The following OR51B5 variants were observed in gnomAD, a reference collection of about 807,000 sequenced individuals.
The protein encoded by OR51B5 is olfactory receptor family 51 subfamily B member 5.
For missense variants in OR51B5, 456 were observed against 374.6 expected (o/e 1.22, Z -1.79); for synonymous variants, 186 against 144.8 (o/e 1.28, Z -2.04).
intron 1 of OR51B5, among the ~76,000 whole-genome samples, chr11:5,375,698 T>TCAA (rs1311513085): frequency 1.3e-5 from 2 of 151,554 alleles, no homozygotes; most frequent in African/African-American, 4.8e-5. Context: ...CCAACAAAGA[T>TCAA]CAAAAGAGAC....
chr11:5,431,134 A>T (rs560364662), intron 1 of OR51B5: 48 of 405,502 alleles, frequency 1.2e-4, no homozygotes, highest in African/African-American at 9.0e-4. Flanking sequence ...TGGGGCCATG[A>T]GTGCCACACT....
At chr11:5,380,800 G>C (rs778032281) in intron 1 of OR51B5, among the ~76,000 whole-genome samples, 1 of 152,210 alleles carries the variant, frequency 6.6e-6, no homozygotes, top group Non-Finnish European at 1.5e-5. Context: ...CTGGTTGGCA[G>C]CTTTCAGCTG....
At chr11:5,502,497 C>T (rs1846308627) in intron 1 of OR51B5, among the ~76,000 whole-genome samples, 1 of 152,188 alleles carries the variant, frequency 6.6e-6, no homozygotes, top group Admixed American at 6.5e-5. Flanking sequence ...CACAGAGATT[C>T]TATCATTCTA....
In OR51B5 at chr11:5,359,936, A is replaced by G. The variant is rs528012103; in HGVS notation, n.85-13026T>C. 2.2e-4 allele frequency among the ~76,000 whole-genome samples: 34 copies of G among 152,286 alleles called. No homozygotes were observed. In the East Asian group the frequency reaches 4.8e-3, roughly 22 times the overall value. On this transcript the variant is annotated intron_variant and non_coding_transcript_variant, in intron 1 of 4. Coordinates refer to the OR51B5 transcript ENST00000415970. ...TAAATGGTGCTGGGAAAACTGGCTA[A>G]CCATACGCAGAAAGCTGAAACTGGA...
chr11:5,409,492 A>G (rs974720354), intron 1 of OR51B5, among the ~76,000 whole-genome samples: 11 of 123,650 alleles, frequency 8.9e-5, no homozygotes, highest in Non-Finnish European at 1.8e-4. Context: ...AAATAATTCA[A>G]TGCAAATTCT....
At chr11:5,402,588 T>C (rs745410411) in intron 1 of OR51B5, 7 of 466,482 alleles carry the variant, frequency 1.5e-5, no homozygotes, top group South Asian at 1.1e-4. Flanking sequence ...CTGAGGATGA[T>C]ATGTCAACAT....
chr11:5,374,978 G>C (rs1849501150), intron 1 of OR51B5, among the ~76,000 whole-genome samples: 1 of 151,646 alleles, frequency 6.6e-6, no homozygotes, highest in Non-Finnish European at 1.5e-5. Flanking sequence ...AGGAAATACA[G>C]AGAACGCCAC....
intron 1 of OR51B5, among the ~76,000 whole-genome samples, chr11:5,412,195 A>G (rs893112866): frequency 6.6e-6 from 1 of 152,164 alleles, no homozygotes; most frequent in Non-Finnish European, 1.5e-5. Flanking sequence ...CTGATATGCA[A>G]ATCATTTGCC....
intron 1 of OR51B5, among the ~76,000 whole-genome samples, chr11:5,401,683 G>A (rs1314498327): frequency 1.3e-5 from 2 of 151,730 alleles, no homozygotes; most frequent in Non-Finnish European, 2.9e-5. Context: ...ATCTTATTTT[G>A]GGATTGCTTA....
At chr11:5,351,901 T>C (rs1234202074) in intron 1 of OR51B5, 1 of 1,613,212 alleles carries the variant, frequency 6.2e-7, no homozygotes, top group South Asian at 1.1e-5. Flanking sequence ...AAGATATACC[T>C]CTATCCTGAC....
intron 1 of OR51B5, among the ~76,000 whole-genome samples, chr11:5,427,269 T>C (rs1850465251): frequency 6.6e-6 from 1 of 152,240 alleles, no homozygotes; most frequent in Admixed American, 6.5e-5. Context: ...TTAATCTGTC[T>C]GTTGTCAGTC....
At chr11:5,363,489 CAATCAT>C (rs1849318785) in intron 1 of OR51B5, among the ~76,000 whole-genome samples, 1 of 151,786 alleles carries the variant, frequency 6.6e-6, no homozygotes, top group African/African-American at 2.4e-5. Flanking sequence ...GCCACACACA[CAATCAT>C]AAACACACAT....
At position 5,445,105 on chromosome 11, in the gene OR51B5, G is replaced by A. The variant is rs2647612; in HGVS notation, n.84+60464C>T. Reference sequence around the variant, plus strand: ...GCTCTAGTCACTAATTGTATGTATTGTCACATCAAACACACACTATAATCT... The same window carrying A: ...GCTCTAGTCACTAATTGTATGTATTATCACATCAAACACACACTATAATCT... On this transcript the variant is annotated intron_variant and non_coding_transcript_variant, in intron 1 of 4. Coordinates refer to the OR51B5 transcript ENST00000415970. Among the ~76,000 whole-genome samples, 1,503 of 152,086 alleles carry A rather than the reference G, an allele frequency of 9.9e-3. 27 individuals carry two copies. Among genetic ancestry groups the A allele is most frequent in the African/African-American group, 0.035 (1,437 of 41,480 alleles).
intron 1 of OR51B5, among the ~76,000 whole-genome samples, chr11:5,421,053 T>C (rs1850326851): frequency 6.6e-6 from 1 of 152,228 alleles, no homozygotes; most frequent in African/African-American, 2.4e-5. Flanking sequence ...AGCTTAAGCA[T>C]GCAGTTTCAA....
At chr11:5,356,482 G>C (rs1039572418) in intron 1 of OR51B5, among the ~76,000 whole-genome samples, 1 of 147,460 alleles carries the variant, frequency 6.8e-6, no homozygotes, top group African/African-American at 2.6e-5. Context: ...TATGTGAAAA[G>C]ACCAAATCTA....
chr11:5,495,381 T>C (rs1851633700), intron 1 of OR51B5, among the ~76,000 whole-genome samples: 1 of 152,200 alleles, frequency 6.6e-6, no homozygotes, highest in South Asian at 2.1e-4. Context: ...AAAACAAATT[T>C]TAAAAATATC....
downstream of OR51B5, chr11:5,342,478 T>C (rs956035738): frequency 6.8e-6 from 9 of 1,330,770 alleles, no homozygotes; most frequent in Non-Finnish European, 9.0e-6. Flanking sequence ...TTTTAACACC[T>C]ATTTTACCAA....
At chr11:5,423,021 T>A in intron 1 of OR51B5, 1 of 1,614,060 alleles carries the variant, frequency 6.2e-7, no homozygotes, top group Non-Finnish European at 8.5e-7. Context: ...TCTCCACTGG[T>A]CCATGTTATC....
intron 1 of OR51B5, among the ~76,000 whole-genome samples, chr11:5,372,062 A>G (rs1462354141): frequency 6.6e-6 from 1 of 152,008 alleles, no homozygotes; most frequent in Non-Finnish European, 1.5e-5. Flanking sequence ...CATTCCCCCC[A>G]TCTCCTTTTT....
Sources: allele counts gnomAD v4.1 joint callset (sites outside exome capture counted in the v4.1 genomes callset), GRCh38; gene constraint gnomAD v4.1.1; transcripts MANE v1.5; gene names NCBI Gene and HGNC (gene_info 2026-07-23, HGNC 2026-07-21).